Variants in DLEU7 observed in about 807,000 individuals in gnomAD.
DLEU7 encodes the protein deleted in lymphocytic leukemia 7.
DLEU7 carries 17 observed loss-of-function variants against 16.0 expected under a neutral mutation model. That is an observed-to-expected ratio of 1.06 (90% CI 0.73 to 1.59). DLEU7 has a LOEUF of 1.59. DLEU7 is among the 40% of genes most tolerant of loss of function. The pLI is 0.00. For synonymous variants in DLEU7, 113 were observed against 139.8 expected (o/e 0.81, Z 1.35); for missense variants, 308 against 314.9 (o/e 0.98, Z 0.17).
intron 1 of DLEU7, among the ~76,000 whole-genome samples, chr13:50,781,020 A>G (rs528581324): frequency 1.4e-4 from 21 of 152,296 alleles, no homozygotes; most frequent in African/African-American, 4.8e-4. Flanking sequence ...CAAGCAATCA[A>G]TCAAACATGT....
At chr13:50,840,757 C>T (rs1877629827) in intron 1 of DLEU7, among the ~76,000 whole-genome samples, 1 of 151,346 alleles carries the variant, frequency 6.6e-6, no homozygotes, top group African/African-American at 2.4e-5. Flanking sequence ...AAGATTTGCT[C>T]CAGTGGAATT....
At chr13:50,794,648 G>C (rs1432900539) in intron 1 of DLEU7, among the ~76,000 whole-genome samples, 2 of 152,182 alleles carry the variant, frequency 1.3e-5, no homozygotes, top group Non-Finnish European at 2.9e-5. Flanking sequence ...TAGTAGATTT[G>C]TTCTCAAAAG....
chr13:50,825,377 TATGTGTCACCTTAATACTC>T (rs1270595228), intron 1 of DLEU7, among the ~76,000 whole-genome samples: 2 of 152,212 alleles, frequency 1.3e-5, no homozygotes, highest in Non-Finnish European at 2.9e-5. Context: ...TTCTAATACT[TATGTGTCACCTTAATACTC>T]ATGTGTCACC....
intron 1 of DLEU7, among the ~76,000 whole-genome samples, chr13:50,748,281 T>C (rs550359528): frequency 3.0e-5 from 4 of 131,298 alleles, no homozygotes; most frequent in Admixed American, 1.0e-4. Flanking sequence ...CAATCACAGG[T>C]TTCACAGCTG....
At chr13:50,752,908 C>G (rs1874619941) in intron 1 of DLEU7, among the ~76,000 whole-genome samples, 1 of 152,134 alleles carries the variant, frequency 6.6e-6, no homozygotes, top group South Asian at 2.1e-4. Context: ...TGGCCCCACC[C>G]ACATCCTGCT....
At chr13:50,813,995 C>T (rs186707309) in intron 1 of DLEU7, among the ~76,000 whole-genome samples, 2 of 152,098 alleles carry the variant, frequency 1.3e-5, no homozygotes, top group Admixed American at 6.6e-5. Context: ...CACATATAGA[C>T]GTTCATTCTG....
chr13:50,780,178 A>C (rs1337543731), intron 1 of DLEU7, among the ~76,000 whole-genome samples: 3 of 152,162 alleles, frequency 2.0e-5, no homozygotes, highest in Non-Finnish European at 4.4e-5. Context: ...GCCCCTGAGC[A>C]GTGCTGCAGC....
At chr13:50,732,163 T>C (rs1873928599) in intron 1 of DLEU7, among the ~76,000 whole-genome samples, 1 of 152,182 alleles carries the variant, frequency 6.6e-6, no homozygotes. Flanking sequence ...ACACAGCAAT[T>C]TTTAAATACA....
chr13:50,803,463 G>A (rs755921718), intron 1 of DLEU7, among the ~76,000 whole-genome samples: 1 of 152,048 alleles, frequency 6.6e-6, no homozygotes, highest in African/African-American at 2.4e-5. Flanking sequence ...ACCCATTAAA[G>A]TGTGTCAAAT....
chr13:50,831,727 A>G (rs1263555903), intron 1 of DLEU7, among the ~76,000 whole-genome samples: 1 of 152,218 alleles, frequency 6.6e-6, no homozygotes, highest in Non-Finnish European at 1.5e-5. Flanking sequence ...GCTCACCACA[A>G]TCCATGATAG....
intron 1 of DLEU7, among the ~76,000 whole-genome samples, chr13:50,724,072 AAG>A (rs1257045330): frequency 6.6e-6 from 1 of 152,048 alleles, no homozygotes; most frequent in African/African-American, 2.4e-5. Flanking sequence ...TTAAAAGAAA[AAG>A]ATGTTTTAAA....
intron 1 of DLEU7, among the ~76,000 whole-genome samples, chr13:50,827,574 T>C (rs1877129854): frequency 1.3e-5 from 2 of 151,390 alleles, no homozygotes; most frequent in African/African-American, 4.9e-5. Flanking sequence ...TGGTCCCAGC[T>C]ACTCAGGAGG....
intron 1 of DLEU7, among the ~76,000 whole-genome samples, chr13:50,735,811 C>G (rs969259291): frequency 6.6e-6 from 1 of 152,090 alleles, no homozygotes; most frequent in African/African-American, 2.4e-5. Flanking sequence ...ATGAATACCG[C>G]CTCACATCAG....
chr13:50,843,367 C>T lies in DLEU7; in HGVS notation c.280G>A (p.Ala94Thr), dbSNP rs1047915531. The T allele has an allele frequency of 1.3e-5, 19 of 1,419,980 alleles. No homozygotes were observed. Among genetic ancestry groups the T allele is most frequent in the Non-Finnish European group, 1.6e-5 (17 of 1,088,774 alleles). 88.0% of individuals were successfully genotyped at this position (1,419,980 alleles called of 1,614,324 possible). ...NSPEEEVVRG[A>T]EGGAELLPFP... ...GGCAGCAACTCGGCGCCCCCCTCAG[C>T]GCCTCGCACTACCTCCTCCTCTGGG... The change falls in exon 1 of 2, where the codon GCT becomes ACT. Residue 94 changes from alanine (A) to threonine (T), a missense_variant. By Grantham distance (58) the Ala-to-Thr change is moderately conservative. Coordinates refer to ENST00000504404, the MANE Select transcript of DLEU7 (RefSeq NM_001306135.2). This position sits in a 1 kb window ranked among gnomAD's most constrained non-coding sequence, Gnocchi z 5.7.
At chr13:50,713,825 C>A (rs944619016) in intron 1 of DLEU7, among the ~76,000 whole-genome samples, 1 of 152,180 alleles carries the variant, frequency 6.6e-6, no homozygotes, top group Non-Finnish European at 1.5e-5. Context: ...GGCAGCAACA[C>A]GGGATGGGGA....
At chr13:50,782,956 G>A (rs534452364) in intron 1 of DLEU7, among the ~76,000 whole-genome samples, 7 of 152,146 alleles carry the variant, frequency 4.6e-5, no homozygotes, top group African/African-American at 1.4e-4. Flanking sequence ...CTTCAAAGGC[G>A]TGTGTCTCTT....
At chr13:50,771,533 T>C (rs1224412265) in intron 1 of DLEU7, among the ~76,000 whole-genome samples, 8 of 152,250 alleles carry the variant, frequency 5.3e-5, no homozygotes, top group Non-Finnish European at 1.2e-4. Flanking sequence ...CCAGTAGTCA[T>C]TCAGGAGCAG....
At chr13:50,829,064 A>AT (rs77741224) in intron 1 of DLEU7, among the ~76,000 whole-genome samples, 11 of 151,896 alleles carry the variant, frequency 7.2e-5, no homozygotes, top group Admixed American at 1.3e-4. Flanking sequence ...ACACTGTAAG[A>AT]TTTTTTTTGT....
chr13:50,730,616 G>T (rs1873888351), intron 1 of DLEU7, among the ~76,000 whole-genome samples: 1 of 152,048 alleles, frequency 6.6e-6, no homozygotes, highest in African/African-American at 2.4e-5. Context: ...ACTTTCCAGG[G>T]AATCTCCTGG....
Sources: gnomAD v4.1 joint callset for allele counts (sites outside exome capture counted in the v4.1 genomes callset) on GRCh38, gnomAD v4.1.1 for gene constraint, Gnocchi (gnomAD v3.1) non-coding constraint, MANE v1.5 for transcripts, NCBI Gene and HGNC (gene_info 2026-07-23, HGNC 2026-07-21) for gene names.